Variants in BUD13 observed in about 807,000 individuals in gnomAD.
BUD13 encodes BUD13 spliceosome associated protein.
In BUD13, 47 loss-of-function variants were observed where a neutral mutation model predicts 62.5. The ratio of observed to expected loss-of-function variants is 0.75; its 90% CI spans 0.60 to 0.96. The LOEUF (loss-of-function observed/expected upper bound fraction) is 0.96. Among genes scored for constraint, BUD13 ranks in the 40% least tolerant of loss-of-function variants. The probability of loss-of-function intolerance (pLI) is 0.00; values close to 1 mark genes in which losing one functional copy is unlikely to be tolerated. For missense variants in BUD13, 821 were observed against 790.9 expected, an observed-to-expected ratio of 1.04 and a Z score of -0.46; for synonymous variants, 293 against 280.1, an observed-to-expected ratio of 1.05 and a Z score of -0.46.
intron 5 of BUD13, among the ~76,000 whole-genome samples, chr11:116,760,042 C>T (rs987609106): frequency 2.8e-4 from 43 of 152,270 alleles, no homozygotes; most frequent in African/African-American, 9.6e-4. Flanking sequence ...GGTTTTTTGG[C>T]TAATTCATCA....
chr11:116,760,049 A>G (rs1455167061), intron 5 of BUD13, among the ~76,000 whole-genome samples: 2 of 152,202 alleles, frequency 1.3e-5, no homozygotes, highest in Non-Finnish European at 2.9e-5. Context: ...TGGCTAATTC[A>G]TCAAGCCTTA....
Position 116,770,275 on chromosome 11 carries a change from A to G in BUD13, c.144-53T>C, listed in dbSNP as rs1940601048. On this transcript the variant is annotated intron_variant, in intron 1 of 9. Transcript: ENST00000260210. ...AGTCATTCTAGGATACCAGCATAAA[A>G]ACATTTATCTATTGGTTTTAAAATA... The G allele has an allele frequency of 4.7e-6, 7 of 1,476,302 alleles. No individual in the cohort carries two copies. The Admixed American group carries it at 9.9e-5, about 21-fold the overall frequency. 91.5% of individuals were successfully genotyped at this position (1,476,302 alleles called of 1,614,324 possible).
chr11:116,769,804 C>G (rs1037555345), intron 2 of BUD13, among the ~76,000 whole-genome samples: 2 of 152,256 alleles, frequency 1.3e-5, no homozygotes, highest in African/African-American at 4.8e-5. Flanking sequence ...GTAATCCCAG[C>G]ACTTTGGGAG....
intron 6 of BUD13, 24 bp from the exon 7 acceptor site, chr11:116,758,431 A>C (rs1940370602): frequency 1.2e-6 from 2 of 1,612,166 alleles, no homozygotes; most frequent in African/African-American, 2.7e-5. Context: ...TTATACTCAA[A>C]TATCAGGATC....
chr11:116,761,390 A>G (rs1940429906), intron 4 of BUD13, among the ~76,000 whole-genome samples: 2 of 150,632 alleles, frequency 1.3e-5, no homozygotes, highest in South Asian at 2.1e-4. Flanking sequence ...CTAAAAAGAT[A>G]ACTTACCAAG....
intron 2 of BUD13, among the ~76,000 whole-genome samples, chr11:116,769,602 A>G (rs1458774220): frequency 1.3e-5 from 2 of 152,212 alleles, no homozygotes; most frequent in African/African-American, 2.4e-5. Flanking sequence ...TCTGTGATCC[A>G]TCTCATTTCT....
chr11:116,753,654 C>A (rs956111073), intron 9 of BUD13, among the ~76,000 whole-genome samples: 8 of 152,184 alleles, frequency 5.3e-5, no homozygotes, highest in Admixed American at 5.2e-4. Flanking sequence ...AGAAACCAAT[C>A]CTGTGGTGAA....
In BUD13 at chr11:116,762,866, G is replaced by C. The variant is rs143350651; in HGVS notation, c.723C>G (p.Pro241=). ...ARHGSSDISS[P]RRVHNNSPDT... is the part of the protein sequence containing the mutation. ...CAGGGGAGTTGTTATGGACCCTTCTGGGGGAAGAGATATCTGAGGAACCAT... is the reference window on the plus strand; with the variant it reads ...CAGGGGAGTTGTTATGGACCCTTCTCGGGGAAGAGATATCTGAGGAACCAT... Residue 241 remains proline, a synonymous_variant, in exon 4 of 10, where the codon CCC becomes CCG. Coordinates refer to ENST00000260210, the MANE Select transcript of BUD13 (RefSeq NM_032725.4). 300 of 1,613,804 alleles carry C rather than the reference G, an allele frequency of 1.9e-4. 1 individual carries two copies. The African/African-American group carries it at 3.8e-3, about 20-fold the overall frequency.
At chr11:116,752,138 AG>A (rs2134171115) in intron 9 of BUD13, among the ~76,000 whole-genome samples, 1 of 152,138 alleles carries the variant, frequency 6.6e-6, no homozygotes, top group East Asian at 1.9e-4. Flanking sequence ...AGTAGAGACG[AG>A]GTTTCACCAT....
Position 116,762,774 on chromosome 11 carries a change from G to C in BUD13, c.815C>G (p.Pro272Arg). 2 of 1,614,196 alleles carry C rather than the reference G, an allele frequency of 1.2e-6. No individual in the cohort carries two copies. Among genetic ancestry groups the C allele is most frequent in the Non-Finnish European group, 1.7e-6 (2 of 1,180,030 alleles). The change falls in exon 4 of 10, where the codon CCT (proline) becomes CGT (arginine). Residue 272 changes from proline to arginine, a missense_variant. Physicochemically the swap from Pro to Arg is moderately radical, Grantham distance 103. Coordinates refer to ENST00000260210, the MANE Select transcript of BUD13 (RefSeq NM_032725.4). Reference sequence around the variant, plus strand: ...ATAAGTGACATTAGGAGCCAAATCAGGGGAGTCATGACGGGCCCTTCTGAG... The same window carrying C: ...ATAAGTGACATTAGGAGCCAAATCACGGGAGTCATGACGGGCCCTTCTGAG... ...QQLRRARHDS[P>R]DLAPNVTYSL...
chr11:116,761,072 T>TA, intron 4 of BUD13, 120 bp from the exon 5 acceptor site: 20 of 652,308 alleles, frequency 3.1e-5, no homozygotes, highest in Non-Finnish European at 3.2e-5. Flanking sequence ...TTATTATTAT[T>TA]TTTTTTTTTT....
intron 7 of BUD13, 124 bp from the exon 8 acceptor site, chr11:116,758,074 C>T (rs1356593957): frequency 1.4e-6 from 2 of 1,420,372 alleles, no homozygotes; most frequent in Admixed American, 4.4e-5. Context: ...AAATACTGAG[C>T]AGGGTAAAAT....
Position 116,762,747 on chromosome 11 carries a change from G to C in BUD13, c.842C>G (p.Ser281Cys). The change falls in exon 4 of 10, where the codon TCC (serine) becomes TGC (cysteine). Residue 281 changes from serine (S) to cysteine (C), a missense_variant. Coordinates refer to ENST00000260210, the MANE Select transcript of BUD13 (RefSeq NM_032725.4). ...TTTACCACTTTTGGTTCTGGGCAGG[G>C]AATAAGTGACATTAGGAGCCAAATC... is the stretch of plus-strand genomic sequence containing the variant. ...SPDLAPNVTYSLPRTKSGKAP... is the reference protein window; with the variant it reads ...SPDLAPNVTYCLPRTKSGKAP... 1 of 1,614,190 alleles carries C rather than the reference G, an allele frequency of 6.2e-7. No individual in the cohort carries two copies. The highest frequency in any genetic ancestry group is 8.5e-7 in the Non-Finnish European group (1 of 1,180,030).
At position 116,757,228 on chromosome 11, in the gene BUD13, C is replaced by G. The variant is rs1940343194; in HGVS notation, c.1685-1G>C. The G allele has an allele frequency of 1.2e-6, 2 of 1,612,978 alleles. No individual in the cohort carries two copies. The highest frequency in any genetic ancestry group is 8.5e-7 in the Non-Finnish European group (1 of 1,179,162). On this transcript the variant is annotated splice_acceptor_variant, in intron 8 of 9. Transcript: ENST00000260210. LOFTEE classifies it high-confidence loss of function. ...GCTGGACCACTGTAGCGAGGTCTCA[C>G]TAATGAGAGGAGTAAGAAAAAAGTA... is the stretch of plus-strand genomic sequence containing the variant.
Position 116,765,395 on chromosome 11 carries a change from A to T in BUD13, c.289T>A (p.Phe97Ile). 1 of 1,614,178 alleles carries T rather than the reference A, an allele frequency of 6.2e-7. No homozygotes were observed. The highest frequency in any genetic ancestry group is 1.1e-5 in the South Asian group (1 of 91,084). The change falls in exon 3 of 10, where the codon TTT becomes ATT. Residue 97 changes from phenylalanine to isoleucine, a missense_variant. Coordinates refer to ENST00000260210, the MANE Select transcript of BUD13 (RefSeq NM_032725.4). ...AGCTTCCATTTGGCACTGGAACGAA[A>T]GGCCTCCATCTGCTTTACCTCTTCT... ...RPEEVKQMEA[F>I]RSSAKWKLLG...
At chr11:116,769,217 C>T (rs913787254) in intron 2 of BUD13, among the ~76,000 whole-genome samples, 2 of 152,072 alleles carry the variant, frequency 1.3e-5, no homozygotes, top group Non-Finnish European at 2.9e-5. Flanking sequence ...ACTTACCCTT[C>T]AAAACTCAGT....
intron 8 of BUD13, 148 bp downstream of exon 8, chr11:116,757,618 G>C: frequency 9.0e-7 from 1 of 1,107,168 alleles, no homozygotes. Context: ...TTTTTATATA[G>C]AAAGACCAAT....
chr11:116,752,176 G>C (rs1162516761), intron 9 of BUD13, among the ~76,000 whole-genome samples: 1 of 152,076 alleles, frequency 6.6e-6, no homozygotes, highest in Non-Finnish European at 1.5e-5. Flanking sequence ...TCAATCTCCT[G>C]ACCTCGTGAT....
At position 116,753,634 on chromosome 11, in the gene BUD13, A is replaced by C. The variant is rs144283021; in HGVS notation, c.1766+3512T>G. ...AAAATGTAATACACACTGAAGAAAA[A>C]GCTGTCAATAGAAACCAATCCTGTG... On this transcript the variant is annotated intron_variant, in intron 9 of 9. Coordinates refer to ENST00000260210, the MANE Select transcript of BUD13 (RefSeq NM_032725.4). Among the ~76,000 whole-genome samples the C allele has an allele frequency of 5.6e-3, 860 of 152,364 alleles. 10 individuals carry two copies. Among genetic ancestry groups the C allele is most frequent in the African/African-American group, 0.02 (817 of 41,588 alleles).
Sources: gnomAD v4.1 joint callset for allele counts (sites outside exome capture counted in the v4.1 genomes callset) on GRCh38, gnomAD v4.1.1 for gene constraint, MANE v1.5 for transcripts, NCBI Gene and HGNC (gene_info 2026-07-23, HGNC 2026-07-21) for gene names.